The following REEP1 variants were observed in gnomAD, a reference collection of about 807,000 sequenced individuals.
REEP1 encodes the protein receptor expression-enhancing protein 1.
In REEP1, 22 loss-of-function variants were observed where a neutral mutation model predicts 40.3. That is an observed-to-expected ratio of 0.55 (90% CI 0.39 to 0.78). The LOEUF is 0.78. Ranked by LOEUF, REEP1 falls within the 30% of genes least tolerant of loss-of-function variation. The pLI, the probability that REEP1 is intolerant of heterozygous loss-of-function variation, is 0.00. For synonymous variants in REEP1, 116 were observed against 139.2 expected, an observed-to-expected ratio of 0.83 and a Z score of 1.17; for missense variants, 280 against 361.1, an observed-to-expected ratio of 0.78 and a Z score of 1.82.
chr2:86,266,149 AG>A (rs1574055891), intron 2 of REEP1, among the ~76,000 whole-genome samples: 1 of 152,372 alleles, frequency 6.6e-6, no homozygotes, highest in East Asian at 1.9e-4. Context: ...ATACGTTTTG[AG>A]TTAACTAGAT....
At chr2:86,301,040 G>C (rs778586551) in intron 1 of REEP1, among the ~76,000 whole-genome samples, 10 of 152,340 alleles carry the variant, frequency 6.6e-5, no homozygotes, top group Admixed American at 1.3e-4. Context: ...GCAGTATCCA[G>C]ATGTGAATGA....
At chr2:86,299,961 G>A (rs942840056) in intron 1 of REEP1, among the ~76,000 whole-genome samples, 1 of 152,190 alleles carries the variant, frequency 6.6e-6, no homozygotes, top group African/African-American at 2.4e-5. Context: ...TTCTGTGAGT[G>A]GAGAATCCAA....
At chr2:86,234,125 G>A (rs1005802936) in intron 5 of REEP1, among the ~76,000 whole-genome samples, 36 of 151,988 alleles carry the variant, frequency 2.4e-4, no homozygotes, top group African/African-American at 8.2e-4. Context: ...ACAGCAATTC[G>A]CTGAAGTGAA....
At chr2:86,237,381 C>A (rs931935109) in intron 5 of REEP1, among the ~76,000 whole-genome samples, 1 of 152,196 alleles carries the variant, frequency 6.6e-6, no homozygotes, top group Non-Finnish European at 1.5e-5. Flanking sequence ...ATGGCATGGT[C>A]ATAAGTGGAT....
At chr2:86,289,928 A>T (rs1193510754) in intron 1 of REEP1, among the ~76,000 whole-genome samples, 4 of 152,162 alleles carry the variant, frequency 2.6e-5, no homozygotes, top group Non-Finnish European at 5.9e-5. Flanking sequence ...TCTCAAATGC[A>T]TTATGGTGAG....
intron 6 of REEP1, among the ~76,000 whole-genome samples, chr2:86,231,863 G>A (rs1199712735): frequency 2.0e-5 from 3 of 152,138 alleles, no homozygotes; most frequent in East Asian, 1.9e-4. Flanking sequence ...TCCCAAACAC[G>A]GCTGCATCTC....
intron 1 of REEP1, among the ~76,000 whole-genome samples, chr2:86,324,297 A>C (rs1339769297): frequency 6.6e-6 from 1 of 152,220 alleles, no homozygotes; most frequent in Non-Finnish European, 1.5e-5. Context: ...AACTCCTACA[A>C]ATCAATAAGA....
chr2:86,240,967 G>C (rs901680257), intron 5 of REEP1, among the ~76,000 whole-genome samples: 1 of 152,244 alleles, frequency 6.6e-6, no homozygotes, highest in African/African-American at 2.4e-5. Context: ...GAGCAGGCTG[G>C]ATGGGAGGTG....
At chr2:86,302,502 A>C (rs72940175) in intron 1 of REEP1, among the ~76,000 whole-genome samples, 4,071 of 152,340 alleles carry the variant, frequency 0.027, 182 homozygotes, top group African/African-American at 0.091. Flanking sequence ...CCTCTGATCC[A>C]GTAATTGCAC....
At chr2:86,232,363 C>T (rs1675066647) in intron 6 of REEP1, among the ~76,000 whole-genome samples, 1 of 152,192 alleles carries the variant, frequency 6.6e-6, no homozygotes, top group Non-Finnish European at 1.5e-5. Flanking sequence ...ACCCCCAATT[C>T]CCCAGACAAT....
chr2:86,215,210 C>G lies in REEP1; in HGVS notation c.*1829G>C, dbSNP rs1235507479. The G allele has an allele frequency of 6.6e-6, 1 of 152,054 alleles. No individual in the cohort carries two copies. Among genetic ancestry groups the G allele is most frequent in the African/African-American group, 2.4e-5 (1 of 41,410 alleles). 9.4% of individuals were successfully genotyped at this position (152,054 alleles called of 1,614,324 possible). A position where few individuals can be genotyped will look rare whatever the true frequency, so the allele number is the denominator to read the frequency against. ...GTGGGTGTGGGGCACAGAACATGAG[C>G]AAACAGCTTCTGTTTATCCTCTCAG... On this transcript the variant is annotated 3_prime_UTR_variant, in exon 9 of 9. Transcript: ENST00000538924.
chr2:86,304,248 AGC>A (rs1679386804), intron 1 of REEP1, among the ~76,000 whole-genome samples: 1 of 152,222 alleles, frequency 6.6e-6, no homozygotes, highest in African/African-American at 2.4e-5. Context: ...TAAAACCATT[AGC>A]AACCAAGCCC....
intron 8 of REEP1, among the ~76,000 whole-genome samples, chr2:86,218,686 C>A (rs1293659188): frequency 6.6e-6 from 1 of 152,220 alleles, no homozygotes; most frequent in Non-Finnish European, 1.5e-5. Context: ...CTGCCCAGGC[C>A]AGATTGCCCA....
At chr2:86,262,234 A>G (rs1018467604) in intron 3 of REEP1, among the ~76,000 whole-genome samples, 2 of 152,110 alleles carry the variant, frequency 1.3e-5, no homozygotes, top group Admixed American at 1.3e-4. Flanking sequence ...AACGAGAAAC[A>G]CCCACAGGTG....
intron 8 of REEP1, among the ~76,000 whole-genome samples, chr2:86,219,711 G>A (rs1023271521): frequency 1.3e-5 from 2 of 152,160 alleles, no homozygotes; most frequent in African/African-American, 4.8e-5. Context: ...CTCCCAAAGT[G>A]CTGGGATTAC....
intron 2 of REEP1, among the ~76,000 whole-genome samples, chr2:86,273,108 T>C (rs973136821): frequency 3.4e-5 from 5 of 147,892 alleles, no homozygotes; most frequent in African/African-American, 5.0e-5. Context: ...ACCACTGTAC[T>C]CCAGCCTTGG....
At chr2:86,242,795 C>G (rs1365999187) in intron 5 of REEP1, among the ~76,000 whole-genome samples, 1 of 152,048 alleles carries the variant, frequency 6.6e-6, no homozygotes, top group East Asian at 1.9e-4. Flanking sequence ...TGGGTAGCTA[C>G]TGCAAGAGTC....
At chr2:86,309,560 CA>C (rs1221044799) in intron 1 of REEP1, among the ~76,000 whole-genome samples, 1 of 152,226 alleles carries the variant, frequency 6.6e-6, no homozygotes, top group African/African-American at 2.4e-5. Context: ...ATGGCTTAAA[CA>C]ACAGAAATCC....
chr2:86,302,096 G>C (rs1270871176), intron 1 of REEP1, among the ~76,000 whole-genome samples: 1 of 152,230 alleles, frequency 6.6e-6, no homozygotes, highest in African/African-American at 2.4e-5. Context: ...GCTGCCTGCA[G>C]CTTGTGCCCA....
Sources: gnomAD v4.1 joint callset for allele counts (sites outside exome capture counted in the v4.1 genomes callset) on GRCh38, gnomAD v4.1.1 for gene constraint, MANE v1.5 for transcripts, NCBI Gene and HGNC (gene_info 2026-07-23, HGNC 2026-07-21) for gene names.